Variants in KCNQ1 observed in about 807,000 individuals in gnomAD.
KCNQ1 encodes the protein potassium voltage-gated channel subfamily KQT member 1.
Under a neutral mutation model 72.4 loss-of-function variants are expected in KCNQ1, and 49 were observed. The ratio of observed to expected loss-of-function variants is 0.68; its 90% CI spans 0.54 to 0.86. The LOEUF (loss-of-function observed/expected upper bound fraction) is 0.86, where lower values mean the gene tolerates loss of function less well. Among genes scored for constraint, KCNQ1 ranks in the 40% least tolerant of loss-of-function variants. The pLI, the probability that KCNQ1 is intolerant of heterozygous loss-of-function variation, is 0.00. For synonymous variants in KCNQ1, 450 were observed against 412.6 expected (o/e 1.09, Z -1.10); for missense variants, 790 against 945.1 (o/e 0.84, Z 2.15).
chr11:2,837,848 C>T lies in KCNQ1; in HGVS notation c.1795-9919C>T, dbSNP rs991530861. ...GCGGCGCCCAGGGGGCCACAGGGGC[C>T]GGCGGCGAGGGACCCTCAGCCGAGG... On this transcript the variant is annotated intron_variant, in intron 15 of 15. Coordinates refer to ENST00000155840, the MANE Select transcript of KCNQ1 (RefSeq NM_000218.3). 6.6e-5 allele frequency among the ~76,000 whole-genome samples: 10 copies of T among 152,340 alleles called. 1 individual carries two copies. The South Asian group carries it at 1.0e-3, about 16-fold the overall frequency.
At chr11:2,522,571 T>TA (rs1847406600) in intron 1 of KCNQ1, among the ~76,000 whole-genome samples, 1 of 152,214 alleles carries the variant, frequency 6.6e-6, no homozygotes. Flanking sequence ...AAGCGGTAAA[T>TA]AAGATAAAAC....
At position 2,690,243 on chromosome 11, in the gene KCNQ1, T is replaced by A. The variant is rs1419378816; in HGVS notation, c.1514+28162T>A. On this transcript the variant is annotated intron_variant, in intron 11 of 15. Coordinates refer to ENST00000155840, the MANE Select transcript of KCNQ1 (RefSeq NM_000218.3). This position sits in a 1 kb window ranked among gnomAD's most constrained non-coding sequence, Gnocchi z 5.1. Reference sequence around the variant, plus strand: ...TGGTGACCTCAAGCAAGTCATTCCATGTGGCTGAGCTGCTCCTTGCTGCAT... The same window carrying A: ...TGGTGACCTCAAGCAAGTCATTCCAAGTGGCTGAGCTGCTCCTTGCTGCAT... 1 of 398,686 alleles carries A rather than the reference T, an allele frequency of 2.5e-6. No homozygotes were observed. 24.7% of individuals were successfully genotyped at this position (398,686 alleles called of 1,614,324 possible).
rs1391025328 is a variant in KCNQ1, at chr11:2,847,855, G to A, written c.1883G>A (p.Gly628Asp). ...SLHGGSTPGSGGPPREGGAHI... is the reference protein window; with the variant it reads ...SLHGGSTPGSDGPPREGGAHI... ...CACGGTGGCAGCACCCCCGGCAGCG[G>A]CGGCCCCCCCAGAGAGGGCGGGGCC... The change falls in exon 16 of 16, where the codon GGC (glycine) becomes GAC (aspartate). Residue 628 changes from glycine (G) to aspartate (D), a missense_variant. By Grantham distance (94) the Gly-to-Asp change is moderately conservative. Around this residue, in one of 5 missense-constraint regions of KCNQ1, gnomAD observed 94 missense variants for 85.2 expected, o/e 1.10. Transcript: ENST00000155840. The A allele has an allele frequency of 1.3e-6, 2 of 1,573,896 alleles. No individual in the cohort carries two copies. The highest frequency in any genetic ancestry group is 1.7e-6 in the Non-Finnish European group (2 of 1,159,450).
Position 2,600,563 on chromosome 11 carries a change from A to T in KCNQ1, c.1393+11709A>T, listed in dbSNP as rs372615070. Among the ~76,000 whole-genome samples the T allele has an allele frequency of 7.2e-5, 11 of 152,344 alleles. 1 individual carries two copies. In the East Asian group the frequency reaches 1.7e-3, roughly 24 times the overall value. On this transcript the variant is annotated intron_variant, in intron 10 of 15. Coordinates refer to ENST00000155840, the MANE Select transcript of KCNQ1 (RefSeq NM_000218.3). This position sits in a 1 kb window ranked among gnomAD's most constrained non-coding sequence, Gnocchi z 5.6. Reference sequence around the variant, plus strand: ...AAACATTTTGCTGTGTATTTCTGAAAAATAAAGATATTATCTTTGAAAGCA... The same window carrying T: ...AAACATTTTGCTGTGTATTTCTGAATAATAAAGATATTATCTTTGAAAGCA...
intron 11 of KCNQ1, among the ~76,000 whole-genome samples, chr11:2,718,481 C>G (rs1162786836): frequency 6.6e-6 from 1 of 152,216 alleles, no homozygotes; most frequent in African/African-American, 2.4e-5. Flanking sequence ...GAGGGGAGGA[C>G]AGGGATGATG....
rs999107326 is a variant in KCNQ1 at position 2,772,346 on chromosome 11, C to T, written c.1590+3427C>T. ...CACCCCTGTGTCTGGCCCAAGGAGCCGGAGCCTCTCCACCCTTCAAGTGTG... is the reference window on the plus strand; with the variant it reads ...CACCCCTGTGTCTGGCCCAAGGAGCTGGAGCCTCTCCACCCTTCAAGTGTG... On this transcript the variant is annotated intron_variant, in intron 12 of 15. Transcript: ENST00000155840. This position sits in a 1 kb window ranked among gnomAD's most constrained non-coding sequence, Gnocchi z 6.6. 6.6e-6 allele frequency among the ~76,000 whole-genome samples: 1 copy of T among 152,066 alleles called. No homozygotes were observed. Among genetic ancestry groups the T allele is most frequent in the Non-Finnish European group, 1.5e-5 (1 of 67,976 alleles).
intron 11 of KCNQ1, among the ~76,000 whole-genome samples, chr11:2,756,796 A>G (rs991403860): frequency 3.9e-5 from 6 of 151,974 alleles, no homozygotes; most frequent in African/African-American, 1.5e-4. Context: ...AGCTTTCTAC[A>G]TTGTTTTTAA....
chr11:2,472,464 G>A (rs1846500337), intron 1 of KCNQ1, among the ~76,000 whole-genome samples: 1 of 152,122 alleles, frequency 6.6e-6, no homozygotes, highest in Non-Finnish European at 1.5e-5. Flanking sequence ...GGGCAGAGCT[G>A]GAAAGAACTG....
chr11:2,611,020 TTC>T lies in KCNQ1; in HGVS notation c.1393+22172_1393+22173del. The T allele has an allele frequency of 2.5e-6, 1 of 398,456 alleles. No individual in the cohort carries two copies. Among genetic ancestry groups the T allele is most frequent in the African/African-American group, 2.1e-5 (1 of 48,704 alleles). 24.7% of individuals were successfully genotyped at this position (398,456 alleles called of 1,614,324 possible). A position where few individuals can be genotyped will look rare whatever the true frequency, so the allele number is the denominator to read the frequency against. The stretch of plus-strand genomic sequence containing the variant: ...TGTCTATTATTGTTCAGTTGTCTGT[TTC>T]TCTCTTCATTTCTGACAGTTTTATT... On this transcript the variant is annotated intron_variant, in intron 10 of 15. Coordinates refer to ENST00000155840, the MANE Select transcript of KCNQ1 (RefSeq NM_000218.3). The surrounding 1 kb of genome is among the most constrained non-coding windows in gnomAD (Gnocchi z 5.3).
chr11:2,463,349 C>T lies in KCNQ1; in HGVS notation c.386+17865C>T, dbSNP rs1846305924. ...TGTTTTCTGCTGAGGATACATTTGC[C>T]CCCTCTATCCCCCAGATCGGCGGCT... On this transcript the variant is annotated intron_variant, in intron 1 of 15. Coordinates refer to ENST00000155840, the MANE Select transcript of KCNQ1 (RefSeq NM_000218.3). This position sits in a 1 kb window ranked among gnomAD's most constrained non-coding sequence, Gnocchi z 7.0. 6.6e-6 allele frequency among the ~76,000 whole-genome samples: 1 copy of T among 152,150 alleles called. No individual in the cohort carries two copies.
chr11:2,481,456 G>A lies in KCNQ1; in HGVS notation c.386+35972G>A, dbSNP rs1346969469. Among the ~76,000 whole-genome samples, 1 of 152,160 alleles carries A rather than the reference G, an allele frequency of 6.6e-6. No individual in the cohort carries two copies. The highest frequency in any genetic ancestry group is 2.4e-5 in the African/African-American group (1 of 41,422). On this transcript the variant is annotated intron_variant, in intron 1 of 15. Transcript: ENST00000155840. This position sits in a 1 kb window ranked among gnomAD's most constrained non-coding sequence, Gnocchi z 4.6. ...GTCAGGAGTGAGTTGCACGTCTACA[G>A]CTAGGCTGCTTCCCCGAGGCTGTGT...
At chr11:2,590,777 A>G (rs1356118211) in intron 10 of KCNQ1, among the ~76,000 whole-genome samples, 2 of 152,032 alleles carry the variant, frequency 1.3e-5, no homozygotes, top group Non-Finnish European at 2.9e-5. Flanking sequence ...TCCATGCCCC[A>G]TGGGAGGGCT....
rs968383071 is a variant in KCNQ1, at chr11:2,768,560, G to A, written c.1515-284G>A. Among the ~76,000 whole-genome samples the A allele has an allele frequency of 6.6e-6, 1 of 152,150 alleles. No individual in the cohort carries two copies. Among genetic ancestry groups the A allele is most frequent in the Admixed American group, 6.5e-5 (1 of 15,284 alleles). Reference sequence around the variant, plus strand: ...GCAGCATAGCCATGGCCAACTCAGGGCCCTGACTCCTACCTGACCCCCTTC... The same window carrying A: ...GCAGCATAGCCATGGCCAACTCAGGACCCTGACTCCTACCTGACCCCCTTC... On this transcript the variant is annotated intron_variant, in intron 11 of 15. Transcript: ENST00000155840. The surrounding 1 kb of genome is among the most constrained non-coding windows in gnomAD (Gnocchi z 6.7).
chr11:2,797,440 G>A lies in KCNQ1; in HGVS notation c.1794+19403G>A, dbSNP rs545656225. Among the ~76,000 whole-genome samples, 9 of 152,346 alleles carry A rather than the reference G, an allele frequency of 5.9e-5. No homozygotes were observed. The South Asian group carries it at 1.9e-3, about 32-fold the overall frequency. On this transcript the variant is annotated intron_variant, in intron 15 of 15. Transcript: ENST00000155840. ...CTCAGCGATGCCAGCTCCAGCTGCT[G>A]TGTCATCAAGGTCGGGCTGGGCTGG...
chr11:2,561,615 G>A (rs1589951811), intron 2 of KCNQ1, among the ~76,000 whole-genome samples: 1 of 152,338 alleles, frequency 6.6e-6, no homozygotes, highest in African/African-American at 2.4e-5. Context: ...TCCCCCGCCT[G>A]GGATGCCACC....
chr11:2,653,095 G>A lies in KCNQ1; in HGVS notation c.1394-8866G>A. ...ATCCTCATACAGCAGGGTGTGGAGA[G>A]AGGCTCACTGAAGGTTTGGGGAGAT... On this transcript the variant is annotated intron_variant, in intron 10 of 15. Coordinates refer to ENST00000155840, the MANE Select transcript of KCNQ1 (RefSeq NM_000218.3). The surrounding 1 kb of genome is among the most constrained non-coding windows in gnomAD (Gnocchi z 5.3). The A allele has an allele frequency of 2.5e-6, 1 of 398,726 alleles. No individual in the cohort carries two copies. The highest frequency in any genetic ancestry group is 4.4e-6 in the Non-Finnish European group (1 of 226,126). The allele number at this position is 398,726 out of a possible 1,614,324, so 24.7% of individuals were successfully genotyped here.
chr11:2,461,045 C>T (rs988641029), intron 1 of KCNQ1, among the ~76,000 whole-genome samples: 1 of 152,174 alleles, frequency 6.6e-6, no homozygotes, highest in Non-Finnish European at 1.5e-5. Context: ...CCACTGGGTC[C>T]AGGAGTGGCG....
intron 11 of KCNQ1, among the ~76,000 whole-genome samples, chr11:2,761,449 C>T (rs1011879211): frequency 9.2e-5 from 14 of 152,130 alleles, no homozygotes; most frequent in Admixed American, 2.0e-4. Context: ...GCATGGCAGG[C>T]CAGGGTGTTC....
chr11:2,638,219 G>T (rs1474839697), intron 10 of KCNQ1: 2 of 152,024 alleles, frequency 1.3e-5, no homozygotes, highest in Non-Finnish European at 2.9e-5. Flanking sequence ...GATCCATTAT[G>T]ATGTTAGCTG....
Sources: allele counts gnomAD v4.1 joint callset (sites outside exome capture counted in the v4.1 genomes callset), GRCh38; gene constraint gnomAD v4.1.1; regional missense constraint gnomAD v4.1.1; non-coding constraint Gnocchi (gnomAD v3.1); transcripts MANE v1.5; gene names NCBI Gene and HGNC (gene_info 2026-07-23, HGNC 2026-07-21).